SNX29: variants seen among roughly 807,000 people sequenced by gnomAD.
The protein encoded by SNX29 is sorting nexin-29.
A neutral mutation model predicts 102.1 loss-of-function variants in SNX29; 78 were observed. That is an observed-to-expected ratio of 0.76 (90% CI 0.64 to 0.92). SNX29 has a LOEUF of 0.92. SNX29 is among the 40% of genes least tolerant of loss of function. The pLI, the probability that SNX29 is intolerant of heterozygous loss-of-function variation, is 0.00. For synonymous variants in SNX29, 580 were observed against 414.5 expected, an observed-to-expected ratio of 1.40 and a Z score of -4.85; for missense variants, 1,280 against 1,061.7, an observed-to-expected ratio of 1.21 and a Z score of -2.86.
intron 13 of SNX29, among the ~76,000 whole-genome samples, chr16:12,159,384 C>A (rs767858100): frequency 3.3e-5 from 5 of 152,232 alleles, no homozygotes; most frequent in Admixed American, 2.6e-4. Flanking sequence ...TGAGTAGATG[C>A]AAGATGATTT....
At chr16:12,317,268 G>C (rs982917540) in intron 15 of SNX29, among the ~76,000 whole-genome samples, 2 of 152,166 alleles carry the variant, frequency 1.3e-5, no homozygotes, top group Non-Finnish European at 2.9e-5. Context: ...GACACACTTG[G>C]GTGCAGGGAC....
At chr16:12,340,469 G>C (rs1056806975) in intron 15 of SNX29, among the ~76,000 whole-genome samples, 1 of 152,186 alleles carries the variant, frequency 6.6e-6, no homozygotes, top group African/African-American at 2.4e-5. Context: ...ACAGTGCTTG[G>C]CATGTAATAG....
intron 13 of SNX29, among the ~76,000 whole-genome samples, chr16:12,159,315 A>C (rs1230214785): frequency 2.6e-5 from 4 of 152,196 alleles, no homozygotes; most frequent in African/African-American, 2.4e-5. Context: ...ATGGCTCAGC[A>C]CACTGTATGT....
chr16:12,171,861 C>T (rs928811165), intron 13 of SNX29, among the ~76,000 whole-genome samples: 4 of 152,158 alleles, frequency 2.6e-5, no homozygotes, highest in Middle Eastern at 3.2e-3. Context: ...TAGTTTTGAT[C>T]ATCAGTTCTG....
chr16:12,029,462 T>A (rs932620435), intron 4 of SNX29, among the ~76,000 whole-genome samples: 6 of 152,152 alleles, frequency 3.9e-5, no homozygotes, highest in Admixed American at 3.3e-4. Context: ...TTGTAGCCAC[T>A]GGAAACCCAA....
chr16:12,465,029 A>T (rs900765595), intron 18 of SNX29, among the ~76,000 whole-genome samples: 1 of 152,140 alleles, frequency 6.6e-6, no homozygotes, highest in Non-Finnish European at 1.5e-5. Flanking sequence ...ATCTACTTGT[A>T]GGCTATGTGT....
At chr16:12,541,890 G>A (rs1420457724) in intron 20 of SNX29, among the ~76,000 whole-genome samples, 1 of 152,154 alleles carries the variant, frequency 6.6e-6, no homozygotes, top group South Asian at 2.1e-4. Flanking sequence ...GAATGTTTAT[G>A]ATGATGCAAC....
At chr16:12,292,068 G>C (rs1039220763) in intron 15 of SNX29, among the ~76,000 whole-genome samples, 1 of 152,204 alleles carries the variant, frequency 6.6e-6, no homozygotes, top group African/African-American at 2.4e-5. Flanking sequence ...AGGGGTTGTG[G>C]TTTGGGGTGT....
At chr16:12,097,359 T>C (rs2052810091) in intron 11 of SNX29, among the ~76,000 whole-genome samples, 1 of 152,188 alleles carries the variant, frequency 6.6e-6, no homozygotes, top group African/African-American at 2.4e-5. Flanking sequence ...TAGCTTCACC[T>C]GGAGACCCTG....
intron 13 of SNX29, among the ~76,000 whole-genome samples, chr16:12,193,650 T>A (rs2076700448): frequency 6.6e-6 from 1 of 152,226 alleles, no homozygotes; most frequent in South Asian, 2.1e-4. Context: ...TTGTTTGTGG[T>A]CCAGTTTTAC....
intron 18 of SNX29, among the ~76,000 whole-genome samples, chr16:12,403,752 G>T (rs1194419867): frequency 6.6e-6 from 1 of 152,216 alleles, no homozygotes; most frequent in Non-Finnish European, 1.5e-5. Flanking sequence ...CAGGCTCTTA[G>T]TGTGGCTGCT....
intron 18 of SNX29, among the ~76,000 whole-genome samples, chr16:12,433,636 AAAAAAAAAAAAAAAG>A (rs1389395363): frequency 8.5e-6 from 1 of 117,936 alleles, no homozygotes; most frequent in Non-Finnish European, 1.9e-5. Context: ...GTCTCAAAAA[AAAAAAAAAAAAAAAG>A]GAAACTTAGC....
chr16:12,080,844 C>T (rs1420064109), intron 11 of SNX29, among the ~76,000 whole-genome samples: 2 of 151,148 alleles, frequency 1.3e-5, no homozygotes, highest in Admixed American at 1.3e-4. Context: ...GGCCCACGCC[C>T]GGCTAATTTT....
chr16:12,007,764 A>C (rs1327069334), intron 3 of SNX29, among the ~76,000 whole-genome samples: 1 of 151,988 alleles, frequency 6.6e-6, no homozygotes, highest in East Asian at 1.9e-4. Context: ...TGCTTCCACC[A>C]CATTGAATGC....
intron 13 of SNX29, among the ~76,000 whole-genome samples, chr16:12,158,800 G>A (rs990290386): frequency 2.0e-5 from 3 of 152,196 alleles, no homozygotes; most frequent in African/African-American, 7.2e-5. Context: ...TGTGAAATGC[G>A]GATATGGGGA....
At position 12,098,469 on chromosome 16, in the gene SNX29, G is replaced by A. The variant is rs1024637180; in HGVS notation, c.1402+19554G>A. 5.9e-5 allele frequency among the ~76,000 whole-genome samples: 9 copies of A among 152,174 alleles called. No individual in the cohort carries two copies. Among genetic ancestry groups the A allele is most frequent in the African/African-American group, 1.7e-4 (7 of 41,458 alleles). On this transcript the variant is annotated intron_variant, in intron 11 of 20. Transcript: ENST00000566228. This position sits in a 1 kb window ranked among gnomAD's most constrained non-coding sequence, Gnocchi z 6.0. ...AGCTCCCACTTGCAGTGGCCACCGC[G>A]TGCCCTTTGATGGGACGTTACATTG...
At chr16:12,157,657 G>A (rs980837221) in intron 13 of SNX29, among the ~76,000 whole-genome samples, 1 of 152,156 alleles carries the variant, frequency 6.6e-6, no homozygotes, top group African/African-American at 2.4e-5. Context: ...AGCAGAGACT[G>A]GAGGTTTCCT....
chr16:12,124,519 CT>C (rs2054122289), intron 11 of SNX29, among the ~76,000 whole-genome samples: 1 of 152,110 alleles, frequency 6.6e-6, no homozygotes, highest in Admixed American at 6.5e-5. Flanking sequence ...CGGAGTTGGT[CT>C]TTTGTTTCAT....
In SNX29 at chr16:12,569,450, A is replaced by G; in HGVS notation, c.*821A>G. 1 of 231,064 alleles carries G rather than the reference A, an allele frequency of 4.3e-6. No individual in the cohort carries two copies. Among genetic ancestry groups the G allele is most frequent in the Non-Finnish European group, 8.6e-6 (1 of 116,684 alleles). 14.3% of individuals were successfully genotyped at this position (231,064 alleles called of 1,614,324 possible). A position where few individuals can be genotyped will look rare whatever the true frequency, so the allele number is the denominator to read the frequency against. ...GCGTGTCCAAAGTAGCATTGGCCCT[A>G]CAGTCATGAGAGACTTGGGTCAGGG... On this transcript the variant is annotated 3_prime_UTR_variant, in exon 21 of 21. Coordinates refer to ENST00000566228, the MANE Select transcript of SNX29 (RefSeq NM_032167.5).
Sources: allele counts gnomAD v4.1 joint callset (sites outside exome capture counted in the v4.1 genomes callset), GRCh38; gene constraint gnomAD v4.1.1; non-coding constraint Gnocchi (gnomAD v3.1); transcripts MANE v1.5; gene names NCBI Gene and HGNC (gene_info 2026-07-23, HGNC 2026-07-21).